Variants in ZNF536 observed in about 807,000 individuals in gnomAD.
The protein encoded by ZNF536 is zinc finger protein 536.
In ZNF536, 13 loss-of-function variants were observed where a neutral mutation model predicts 84.5. The ratio of observed to expected loss-of-function variants is 0.15; its 90% CI spans 0.10 to 0.24. ZNF536 has a LOEUF of 0.24. Ranked by LOEUF, ZNF536 falls within the 10% of genes least tolerant of loss-of-function variation. ZNF536 has a pLI of 1.00. For synonymous variants in ZNF536, 811 were observed against 742.5 expected, an observed-to-expected ratio of 1.09 and a Z score of -1.50; for missense variants, 1,536 against 1,747.5, an observed-to-expected ratio of 0.88 and a Z score of 2.16.
At chr19:30,294,578 T>TGTTC (rs1176985847) in intron 2 of ZNF536, among the ~76,000 whole-genome samples, 2 of 151,878 alleles carry the variant, frequency 1.3e-5, no homozygotes, top group Admixed American at 6.6e-5. Context: ...TGTGTGTGTG[T>TGTTC]GTGTGTGTGT....
At chr19:30,596,075 C>A (rs1010750168) in intron 1 of ZNF536, among the ~76,000 whole-genome samples, 1 of 152,130 alleles carries the variant, frequency 6.6e-6, no homozygotes, top group South Asian at 2.1e-4. Context: ...CCACCAGGGC[C>A]AAAGCAAAGA....
chr19:30,364,129 G>A (rs1170094353), intron 3 of ZNF536, among the ~76,000 whole-genome samples: 1 of 152,118 alleles, frequency 6.6e-6, no homozygotes, highest in East Asian at 1.9e-4. Context: ...ACAAAGCTGT[G>A]TGCCCAATTA....
At chr19:30,590,093 T>C (rs559191814) in intron 1 of ZNF536, among the ~76,000 whole-genome samples, 1 of 152,360 alleles carries the variant, frequency 6.6e-6, no homozygotes, top group East Asian at 1.9e-4. Context: ...GCTGGGCCTG[T>C]GCCTCCTTCT....
rs1473327018 is a variant in ZNF536, at chr19:30,444,231, C to T, written c.669C>T (p.Asp223=). The part of the protein sequence containing the change: ...LKGSLLQPRP[D]LKPPPHAQQA... The stretch of plus-strand genomic sequence containing the variant: ...GCAGCCTGCTGCAGCCCCGGCCGGA[C>T]CTGAAGCCCCCGCCGCACGCCCAGC... Residue 223 remains aspartate, a synonymous_variant, in exon 2 of 5, where the codon GAC becomes GAT. Transcript: ENST00000355537. The T allele has an allele frequency of 6.5e-7, 1 of 1,544,148 alleles. No homozygotes were observed.
chr19:30,578,464 G>T (rs1165786155), intron 1 of ZNF536, among the ~76,000 whole-genome samples: 1 of 152,184 alleles, frequency 6.6e-6, no homozygotes, highest in Non-Finnish European at 1.5e-5. Flanking sequence ...GTTCTTTTTC[G>T]GTTGTCATGC....
intron 1 of ZNF536, among the ~76,000 whole-genome samples, chr19:30,595,248 A>G (rs1231596898): frequency 6.6e-6 from 1 of 151,804 alleles, no homozygotes; most frequent in Non-Finnish European, 1.5e-5. Context: ...TCCCTCCATC[A>G]CTTGGGAGCT....
At chr19:30,515,621 T>C (rs568929521) in intron 2 of ZNF536, among the ~76,000 whole-genome samples, 104 of 152,210 alleles carry the variant, frequency 6.8e-4, no homozygotes, top group African/African-American at 2.4e-3. Context: ...TTCTCGGTCT[T>C]ATACCTTAGC....
At chr19:30,546,504 A>C (rs1348990036) in intron 3 of ZNF536, among the ~76,000 whole-genome samples, 1 of 152,186 alleles carries the variant, frequency 6.6e-6, no homozygotes, top group African/African-American at 2.4e-5. Flanking sequence ...TGGAGATGAC[A>C]TGGCATCTCC....
chr19:30,433,728 C>G (rs1302111080), intron 1 of ZNF536, among the ~76,000 whole-genome samples: 4 of 152,166 alleles, frequency 2.6e-5, no homozygotes, highest in Non-Finnish European at 4.4e-5. Context: ...GACTCCTGAC[C>G]TCAGGTGATC....
exon 2 of ZNF536, chr19:30,712,053 T>G (rs2052469700): frequency 2.9e-5 from 1 of 34,946 alleles, no homozygotes; most frequent in Non-Finnish European, 4.4e-5. Flanking sequence ...ATAGCTTGTA[T>G]TAAAATATGA....
At chr19:30,229,311 G>C (rs540586947) in intron 1 of ZNF536, among the ~76,000 whole-genome samples, 1 of 151,870 alleles carries the variant, frequency 6.6e-6, no homozygotes, top group Non-Finnish European at 1.5e-5. Context: ...AATTCTGTTG[G>C]AAATGCCATC....
At position 30,485,762 on chromosome 19, in the gene ZNF536, G is replaced by A. The variant is rs199577866; in HGVS notation, c.2170+40030G>A. ...TTACTGTGTTTGTAAAGTGCTATAA[G>A]CTTTGTAAAGTAGAAAATCAAACTT... On this transcript the variant is annotated intron_variant, in intron 2 of 4. Coordinates refer to ENST00000355537, the MANE Select transcript of ZNF536 (RefSeq NM_014717.3). Among the ~76,000 whole-genome samples, 12 of 152,172 alleles carry A rather than the reference G, an allele frequency of 7.9e-5. No homozygotes were observed. The East Asian group carries it at 2.3e-3, about 29-fold the overall frequency.
rs1270166212 is a variant in ZNF536 at position 30,443,836 on chromosome 19, G to A, written c.274G>A (p.Val92Met). 2 of 1,613,202 alleles carry A rather than the reference G, an allele frequency of 1.2e-6. No individual in the cohort carries two copies. Among genetic ancestry groups the A allele is most frequent in the Non-Finnish European group, 1.7e-6 (2 of 1,179,926 alleles). Residue 92 changes from valine to methionine, a missense_variant, in exon 2 of 5, where the codon GTG becomes ATG. Physicochemically the swap from Val to Met is conservative, Grantham distance 21. Around this residue, in one of 8 missense-constraint regions of ZNF536, gnomAD observed 161 missense variants for 178.5 expected, o/e 0.90. Coordinates refer to ENST00000355537, the MANE Select transcript of ZNF536 (RefSeq NM_014717.3). The stretch of plus-strand genomic sequence containing the variant: ...CCTGGCCAACCAGCTGGGCCGGGAG[G>A]TGGACACCAGCCTCAACGGGAGGGT... Reference protein sequence around the residue: ...ALLANQLGREVDTSLNGRVDL... With the variant: ...ALLANQLGREMDTSLNGRVDL...
At chr19:30,338,874 A>G (rs2047472487) in intron 2 of ZNF536, among the ~76,000 whole-genome samples, 1 of 152,162 alleles carries the variant, frequency 6.6e-6, no homozygotes, top group African/African-American at 2.4e-5. Context: ...CTCTTTGAGC[A>G]TCAGTTTCCC....
chr19:30,322,412 G>A (rs938273022), intron 2 of ZNF536, among the ~76,000 whole-genome samples: 1 of 152,134 alleles, frequency 6.6e-6, no homozygotes, highest in South Asian at 2.1e-4. Flanking sequence ...CTGGCTCAGA[G>A]GACTCCACTG....
At chr19:30,466,355 A>G (rs2053390889) in intron 2 of ZNF536, among the ~76,000 whole-genome samples, 1 of 150,420 alleles carries the variant, frequency 6.6e-6, no homozygotes, top group Non-Finnish European at 1.5e-5. Context: ...CAGCTGGGGC[A>G]ACAAAGCGAA....
chr19:30,357,060 C>T (rs775193418), intron 3 of ZNF536, among the ~76,000 whole-genome samples: 6 of 152,330 alleles, frequency 3.9e-5, no homozygotes, highest in Admixed American at 6.5e-5. Flanking sequence ...ATAATATGGG[C>T]GTTGAGGGTG....
rs781449358 is a variant in ZNF536 at position 30,444,552 on chromosome 19, G to A, written c.990G>A (p.Gln330=). ...CACACATCACGGCCGAGTCGGCCCA[G>A]GGCCAGGGCCCCAACGGCGGTGGCG... ...EKAHITAESA[Q]GQGPNGGGEQ... is the part of the protein sequence containing the mutation. The change falls in exon 2 of 5, where the codon CAG becomes CAA. Residue 330 remains glutamine (Q), a synonymous_variant. Coordinates refer to ENST00000355537, the MANE Select transcript of ZNF536 (RefSeq NM_014717.3). 1 of 1,613,512 alleles carries A rather than the reference G, an allele frequency of 6.2e-7. No individual in the cohort carries two copies. The highest frequency in any genetic ancestry group is 8.5e-7 in the Non-Finnish European group (1 of 1,179,940).
At chr19:30,627,838 A>G (rs1364812894) in intron 1 of ZNF536, among the ~76,000 whole-genome samples, 1 of 152,198 alleles carries the variant, frequency 6.6e-6, no homozygotes, top group African/African-American at 2.4e-5. Context: ...AGATGGGTGC[A>G]ATACCACTCA....
Sources: gnomAD v4.1 joint callset for allele counts (sites outside exome capture counted in the v4.1 genomes callset) on GRCh38, gnomAD v4.1.1 for gene constraint, gnomAD v4.1.1 regional missense constraint, MANE v1.5 for transcripts, NCBI Gene and HGNC (gene_info 2026-07-23, HGNC 2026-07-21) for gene names.